GEMIN2: variants seen among roughly 807,000 people sequenced by gnomAD.
GEMIN2 encodes the protein gem nuclear organelle associated protein 2.
Under a neutral mutation model 45.8 loss-of-function variants are expected in GEMIN2, and 37 were observed. That is an observed-to-expected ratio of 0.81 (90% CI 0.62 to 1.06). GEMIN2 has a LOEUF of 1.06. Among genes scored for constraint, GEMIN2 ranks in the 50% least tolerant of loss-of-function variants. The pLI is 0.00. For synonymous variants in GEMIN2, 101 were observed against 111.5 expected (o/e 0.91, Z 0.60); for missense variants, 335 against 321.8 (o/e 1.04, Z -0.31).
At chr14:39,131,645 G>A (rs1000260442) in intron 7 of GEMIN2, 5 of 227,280 alleles carry the variant, frequency 2.2e-5, no homozygotes, top group Admixed American at 5.5e-5. Context: ...ATTTTTTCCA[G>A]TATTTATATT....
intron 2 of GEMIN2, among the ~76,000 whole-genome samples, chr14:39,117,348 T>C (rs1280700861): frequency 6.6e-6 from 1 of 152,030 alleles, no homozygotes; most frequent in East Asian, 1.9e-4. Context: ...ATACCAAAGT[T>C]CTTATTTTTA....
chr14:39,129,638 C>G (rs1331993327), intron 7 of GEMIN2, among the ~76,000 whole-genome samples: 2 of 152,112 alleles, frequency 1.3e-5, no homozygotes, highest in African/African-American at 4.8e-5. Context: ...GTCTTGAACT[C>G]ATGACCTCAG....
At chr14:39,122,408 A>C in intron 4 of GEMIN2, 22 bp from the exon 5 acceptor site, 1 of 1,054,652 alleles carries the variant, frequency 9.5e-7, no homozygotes, top group Admixed American at 2.1e-5. Context: ...GGAATAAATC[A>C]GTTTTTTTTT....
chr14:39,114,615 T>A, intron 1 of GEMIN2, 140 bp downstream of exon 1: 1 of 690,864 alleles, frequency 1.4e-6, no homozygotes, highest in South Asian at 1.9e-5. Flanking sequence ...CGTGGGCGAG[T>A]TTCTGTTGAA....
At chr14:39,133,891 T>A in intron 9 of GEMIN2, 172 bp downstream of exon 9, 1 of 413,614 alleles carries the variant, frequency 2.4e-6, no homozygotes, top group Non-Finnish European at 4.4e-6. Context: ...CTTCCTGGGC[T>A]CCAGCAATCC....
chr14:39,133,108 G>C (rs2052741184), intron 8 of GEMIN2, among the ~76,000 whole-genome samples: 1 of 145,390 alleles, frequency 6.9e-6, no homozygotes, highest in East Asian at 2.0e-4. Flanking sequence ...CCTGTGTCTT[G>C]ACTGTACAGT....
At position 39,118,589 on chromosome 14, in the gene GEMIN2, A is replaced by T; in HGVS notation, c.362A>T (p.Asn121Ile). The T allele has an allele frequency of 2.8e-6, 4 of 1,435,302 alleles. No homozygotes were observed. Among genetic ancestry groups the T allele is most frequent in the Non-Finnish European group, 3.9e-6 (4 of 1,017,336 alleles). 88.9% of individuals were successfully genotyped at this position (1,435,302 alleles called of 1,614,324 possible). ...TGGAAATCACAACAGTTGGATAGTAATGTGACAATGGTATGTAAGTTTCTC... is the reference window on the plus strand; with the variant it reads ...TGGAAATCACAACAGTTGGATAGTATTGTGACAATGGTATGTAAGTTTCTC... Reference protein sequence around the residue: ...SHWKSQQLDSNVTMPKSEDEE... With the variant: ...SHWKSQQLDSIVTMPKSEDEE... The change falls in exon 4 of 10, where the codon AAT becomes ATT. Residue 121 changes from asparagine to isoleucine, a missense_variant. Asn to Ile is a moderately radical substitution (Grantham distance 149). Transcript: ENST00000308317.
At chr14:39,123,697 TATATATA>T in intron 5 of GEMIN2, among the ~76,000 whole-genome samples, 1 of 46,490 alleles carries the variant, frequency 2.2e-5, no homozygotes, top group African/African-American at 7.7e-5. Context: ...TATATATATA[TATATATA>T]TATATTTTTT....
At chr14:39,131,869 C>G in intron 7 of GEMIN2, 89 bp from the exon 8 acceptor site, 1 of 691,828 alleles carries the variant, frequency 1.4e-6, no homozygotes, top group Non-Finnish European at 2.6e-6. Flanking sequence ...TTATTCATAG[C>G]AGATAATCAG....
chr14:39,136,583 T>C lies in GEMIN2; in HGVS notation c.*104T>C. ...ACAGATTTCAACACATCTTCAACACTATGTGAAGGGTTCACATCTTAACCT... is the reference window on the plus strand; with the variant it reads ...ACAGATTTCAACACATCTTCAACACCATGTGAAGGGTTCACATCTTAACCT... On this transcript the variant is annotated 3_prime_UTR_variant, in exon 10 of 10. Coordinates refer to ENST00000308317, the MANE Select transcript of GEMIN2 (RefSeq NM_003616.3). 1 of 858,284 alleles carries C rather than the reference T, an allele frequency of 1.2e-6. No homozygotes were observed. The highest frequency in any genetic ancestry group is 2.0e-6 in the Non-Finnish European group (1 of 508,114). The allele number at this position is 858,284 out of a possible 1,614,324, so 53.2% of individuals were successfully genotyped here.
intron 4 of GEMIN2, among the ~76,000 whole-genome samples, chr14:39,119,343 A>G (rs1044811346): frequency 2.6e-5 from 4 of 152,210 alleles, no homozygotes; most frequent in African/African-American, 9.6e-5. Context: ...CCAGTGACAT[A>G]TAAGTGAAAC....
chr14:39,130,472 A>G (rs1423347073), intron 7 of GEMIN2, among the ~76,000 whole-genome samples: 1 of 152,140 alleles, frequency 6.6e-6, no homozygotes, highest in African/African-American at 2.4e-5. Flanking sequence ...GAATATACAT[A>G]CCCTTTGTCA....
Position 39,128,067 on chromosome 14 carries a change from C to CAAAAAAAAAAAAAAAAA in GEMIN2, c.532-203_532-187dup, listed in dbSNP as rs1212260025. 2.8e-4 allele frequency among the ~76,000 whole-genome samples: 3 copies of CAAAAAAAAAAAAAAAAA among 10,564 alleles called. 1 individual carries two copies. The allele number at this position is 10,564 out of a possible 152,430, so 6.9% of individuals were successfully genotyped here. A position where few individuals can be genotyped will look rare whatever the true frequency, so the allele number is the denominator to read the frequency against. ...TGGGCAACAGAGTGAGACTCTATCTCAAAAAAAAAAAAAAAAAAAAAAAAA... is the reference window on the plus strand; with the variant it reads ...TGGGCAACAGAGTGAGACTCTATCTCAAAAAAAAAAAAAAAAAAAAAAAAAAAAAAAAAAAAAAAAAA... On this transcript the variant is annotated intron_variant, in intron 6 of 9. Transcript: ENST00000308317.
intron 4 of GEMIN2, 48 bp downstream of exon 4, chr14:39,118,647 A>G: frequency 1.2e-6 from 1 of 807,014 alleles, no homozygotes; most frequent in Non-Finnish European, 2.2e-6. Flanking sequence ...ACCTGATTGA[A>G]AGAGTCTATA....
intron 4 of GEMIN2, among the ~76,000 whole-genome samples, chr14:39,118,888 C>T (rs2052544247): frequency 1.3e-5 from 2 of 151,512 alleles, no homozygotes; most frequent in Admixed American, 1.3e-4. Context: ...GATCCTCCCA[C>T]CACCGCCTTC....
At chr14:39,129,156 A>G (rs2052683953) in intron 7 of GEMIN2, among the ~76,000 whole-genome samples, 1 of 152,104 alleles carries the variant, frequency 6.6e-6, no homozygotes. Flanking sequence ...TGGATGCACA[A>G]ATGTTTACCA....
In GEMIN2 at chr14:39,131,977, T is replaced by C; in HGVS notation, c.620T>C (p.Leu207Ser). ...TTTTAGGGAAGATGGCTTTATGCTT[T>C]ATTGGCTTGTCTTGAAAAGCCTTTG... The part of the protein sequence containing the change: ...TPELGRWLYA[L>S]LACLEKPLLP... Residue 207 changes from leucine (L) to serine (S), a missense_variant, in exon 8 of 10, where the codon TTA (leucine) becomes TCA (serine). Leu to Ser is a moderately radical substitution (Grantham distance 145, BLOSUM62 -2). Coordinates refer to ENST00000308317, the MANE Select transcript of GEMIN2 (RefSeq NM_003616.3). The C allele has an allele frequency of 6.3e-7, 1 of 1,585,054 alleles. No individual in the cohort carries two copies. Among genetic ancestry groups the C allele is most frequent in the Non-Finnish European group, 8.7e-7 (1 of 1,154,398 alleles).
chr14:39,129,374 G>A (rs1275870265), intron 7 of GEMIN2, among the ~76,000 whole-genome samples: 1 of 152,056 alleles, frequency 6.6e-6, no homozygotes, highest in Non-Finnish European at 1.5e-5. Flanking sequence ...AGTGATGCAT[G>A]ACTGTACTTG....
intron 2 of GEMIN2, among the ~76,000 whole-genome samples, chr14:39,116,818 A>G (rs2052514554): frequency 1.3e-5 from 2 of 152,152 alleles, no homozygotes; most frequent in Admixed American, 1.3e-4. Context: ...TGCCACGATC[A>G]TAGCTCACTG....
Sources: allele counts gnomAD v4.1 joint callset (sites outside exome capture counted in the v4.1 genomes callset), GRCh38; gene constraint gnomAD v4.1.1; transcripts MANE v1.5; gene names NCBI Gene and HGNC (gene_info 2026-07-23, HGNC 2026-07-21).